PPM1L: variants seen among roughly 807,000 people sequenced by gnomAD.
PPM1L encodes protein phosphatase 1L.
A neutral mutation model predicts 31.4 loss-of-function variants in PPM1L; 13 were observed. The observed-to-expected ratio is 0.41, with a 90% CI of 0.27 to 0.66. The LOEUF (loss-of-function observed/expected upper bound fraction) is 0.66, where lower values mean the gene tolerates loss of function less well. Among genes scored for constraint, PPM1L ranks in the 30% least tolerant of loss-of-function variants. The pLI is 0.29. For synonymous variants in PPM1L, 184 were observed against 175.4 expected (o/e 1.05, Z -0.39); for missense variants, 326 against 453.7 (o/e 0.72, Z 2.56).
chr3:160,916,067 A>G (rs190826553), intron 1 of PPM1L, among the ~76,000 whole-genome samples: 7 of 152,358 alleles, frequency 4.6e-5, no homozygotes, highest in Admixed American at 4.6e-4. Flanking sequence ...ATGGGATCTA[A>G]TTAAACTCAG....
intron 2 of PPM1L, among the ~76,000 whole-genome samples, chr3:161,047,145 A>G (rs1280278244): frequency 2.0e-5 from 3 of 152,322 alleles, no homozygotes; most frequent in Non-Finnish European, 4.4e-5. Context: ...AGAGGAAGTC[A>G]AATTGTCCCT....
rs954161956 is a variant in PPM1L, at chr3:161,071,898, G to C, written c.*2741G>C. On this transcript the variant is annotated 3_prime_UTR_variant, in exon 4 of 4. Coordinates refer to ENST00000498165, the MANE Select transcript of PPM1L (RefSeq NM_139245.4). ...CCTAAGCAGCACTGCCAAAGCTTTG[G>C]AATTGTCACCCAAGGCTTCCTAGAC... 6.6e-6 allele frequency: 1 copy of C among 151,606 alleles called. No homozygotes were observed. Among genetic ancestry groups the C allele is most frequent in the African/African-American group, 2.4e-5 (1 of 41,406 alleles). The allele number at this position is 151,606 out of a possible 1,614,324, so 9.4% of individuals were successfully genotyped here. A position where few individuals can be genotyped will look rare whatever the true frequency, so the allele number is the denominator to read the frequency against.
chr3:161,065,489 G>C lies in PPM1L; in HGVS notation c.661G>C (p.Asp221His), dbSNP rs1414478170. The stretch of plus-strand genomic sequence containing the variant: ...CTCGCGCGGGGTCCTGTGTGACAAA[G>C]ATGGGAACGCTATTCCTTTGTCTCA... ...GDSRGVLCDK[D>H]GNAIPLSHDH... The change falls in exon 3 of 4, where the codon GAT (aspartate) becomes CAT (histidine). Residue 221 changes from aspartate to histidine, a missense_variant. Asp to His is a moderately conservative substitution (Grantham distance 81). This residue lies in a region of PPM1L where 201 missense variants were observed against 298.2 expected (regional missense o/e 0.67). Coordinates refer to ENST00000498165, the MANE Select transcript of PPM1L (RefSeq NM_139245.4). 1 of 1,613,984 alleles carries C rather than the reference G, an allele frequency of 6.2e-7. No homozygotes were observed. The highest frequency in any genetic ancestry group is 1.3e-5 in the African/African-American group (1 of 74,906).
chr3:160,999,450 G>A (rs1486379382), intron 2 of PPM1L, among the ~76,000 whole-genome samples: 3 of 152,110 alleles, frequency 2.0e-5, no homozygotes, highest in Admixed American at 1.3e-4. Context: ...CCACCTGGCC[G>A]CCAGAGGGAA....
intron 2 of PPM1L, among the ~76,000 whole-genome samples, chr3:160,965,167 C>G (rs1397206401): frequency 6.6e-6 from 1 of 151,516 alleles, no homozygotes; most frequent in African/African-American, 2.4e-5. Context: ...AGGAGAATGG[C>G]GTGAACCCAG....
chr3:160,797,983 T>G (rs994238508), intron 1 of PPM1L, among the ~76,000 whole-genome samples: 5 of 152,080 alleles, frequency 3.3e-5, no homozygotes, highest in Admixed American at 3.3e-4. Flanking sequence ...ATGAAGACCG[T>G]CCTGGCCAAC....
chr3:160,857,307 C>T (rs556084767), intron 1 of PPM1L, among the ~76,000 whole-genome samples: 52 of 152,142 alleles, frequency 3.4e-4, no homozygotes, highest in Non-Finnish European at 6.3e-4. Flanking sequence ...CTTTAGCCTC[C>T]GAAGTCCTTA....
At chr3:160,823,133 C>T (rs1713251845) in intron 1 of PPM1L, among the ~76,000 whole-genome samples, 1 of 151,966 alleles carries the variant, frequency 6.6e-6, no homozygotes, top group Non-Finnish European at 1.5e-5. Flanking sequence ...GCACTGGACT[C>T]CTGGAAGGTT....
rs185740113 is a variant in PPM1L at position 160,778,745 on chromosome 3, G to A, written c.399+22038G>A. On this transcript the variant is annotated intron_variant, in intron 1 of 3. Coordinates refer to ENST00000498165, the MANE Select transcript of PPM1L (RefSeq NM_139245.4). ...AGCATGGGGGAAAGTTGTCCAATGT[G>A]TAGAGGCCAGAGATGCTACTAAGTA... Among the ~76,000 whole-genome samples the A allele has an allele frequency of 3.4e-3, 512 of 152,260 alleles. 3 individuals are homozygous for A. Among genetic ancestry groups the A allele is most frequent in the Middle Eastern group, 0.017 (5 of 294 alleles).
chr3:160,959,160 C>T (rs543378228), intron 1 of PPM1L, among the ~76,000 whole-genome samples: 20 of 152,262 alleles, frequency 1.3e-4, no homozygotes, highest in South Asian at 8.3e-4. Flanking sequence ...ATTTAGATGG[C>T]GTTGGAGACC....
chr3:160,915,632 G>T (rs567742075), intron 1 of PPM1L, among the ~76,000 whole-genome samples: 1 of 152,050 alleles, frequency 6.6e-6, no homozygotes, highest in Non-Finnish European at 1.5e-5. Context: ...ACAAAGCTGG[G>T]GGCATCATGC....
chr3:160,805,525 C>A (rs1174673398), intron 1 of PPM1L, among the ~76,000 whole-genome samples: 1 of 152,134 alleles, frequency 6.6e-6, no homozygotes, highest in Admixed American at 6.5e-5. Context: ...AGTTCAAGAC[C>A]AGCTTGGTCA....
chr3:160,923,097 A>G (rs1714468522), intron 1 of PPM1L, among the ~76,000 whole-genome samples: 1 of 152,230 alleles, frequency 6.6e-6, no homozygotes, highest in Admixed American at 6.5e-5. Context: ...GGCAATTTAC[A>G]TTAAGAATGA....
intron 2 of PPM1L, among the ~76,000 whole-genome samples, chr3:161,003,349 A>G (rs930632319): frequency 6.6e-6 from 1 of 151,538 alleles, no homozygotes; most frequent in African/African-American, 2.4e-5. Context: ...TATGAACTTT[A>G]AAATAGTTTT....
chr3:161,031,502 CTTT>C (rs760907219), intron 2 of PPM1L, among the ~76,000 whole-genome samples: 3 of 101,666 alleles, frequency 3.0e-5, no homozygotes, highest in Non-Finnish European at 5.4e-5. Context: ...GTATTCTGTC[CTTT>C]TTTTTTTTTT....
At chr3:160,857,381 A>G (rs1035480424) in intron 1 of PPM1L, among the ~76,000 whole-genome samples, 1 of 152,192 alleles carries the variant, frequency 6.6e-6, no homozygotes, top group Non-Finnish European at 1.5e-5. Context: ...TTCCTGCTTT[A>G]ATATACAACT....
chr3:160,858,832 G>A (rs925447221), intron 1 of PPM1L, among the ~76,000 whole-genome samples: 5 of 152,122 alleles, frequency 3.3e-5, no homozygotes, highest in African/African-American at 1.2e-4. Context: ...ATAATAAGAT[G>A]TTATTATGGT....
intron 1 of PPM1L, among the ~76,000 whole-genome samples, chr3:160,859,467 C>A (rs1456375751): frequency 6.6e-6 from 1 of 152,136 alleles, no homozygotes; most frequent in Non-Finnish European, 1.5e-5. Flanking sequence ...AGAGGAATAG[C>A]TTCTCTATCT....
chr3:160,888,273 A>T (rs1467721195), intron 1 of PPM1L, among the ~76,000 whole-genome samples: 2 of 152,210 alleles, frequency 1.3e-5, no homozygotes, highest in African/African-American at 2.4e-5. Context: ...TTAGCGTGCC[A>T]TATTCAGGAG....
Sources: gnomAD v4.1 joint callset for allele counts (sites outside exome capture counted in the v4.1 genomes callset) on GRCh38, gnomAD v4.1.1 for gene constraint, gnomAD v4.1.1 regional missense constraint, MANE v1.5 for transcripts, NCBI Gene and HGNC (gene_info 2026-07-23, HGNC 2026-07-21) for gene names.